PGAP4: variants seen among roughly 807,000 people sequenced by gnomAD.
PGAP4 encodes the protein GPI-N-acetylgalactosamine transferase PGAP4.
A neutral mutation model predicts 28.2 loss-of-function variants in PGAP4; 12 were observed. The ratio of observed to expected loss-of-function variants is 0.42; its 90% CI spans 0.27 to 0.69. PGAP4 has a LOEUF of 0.69. Ranked by LOEUF, PGAP4 falls within the 30% of genes least tolerant of loss-of-function variation. The pLI, the probability that PGAP4 is intolerant of heterozygous loss-of-function variation, is 0.22. For synonymous variants in PGAP4, 205 were observed against 211.8 expected (o/e 0.97, Z 0.28); for missense variants, 425 against 513.5 (o/e 0.83, Z 1.67).
At chr9:101,498,661 T>C (rs370403656) in intron 2 of PGAP4, among the ~76,000 whole-genome samples, 127 of 152,126 alleles carry the variant, frequency 8.3e-4, no homozygotes, top group African/African-American at 2.9e-3. Context: ...TTGCAGGTTT[T>C]TAAAATAATG....
upstream of PGAP4, chr9:101,487,279 C>A (rs747472092): frequency 6.5e-4 from 99 of 152,274 alleles, 1 homozygote; most frequent in Non-Finnish European, 1.9e-4. Context: ...AAACAGGAAG[C>A]CTGTTTCTTT....
intron 2 of PGAP4, among the ~76,000 whole-genome samples, chr9:101,517,729 C>T (rs1278982329): frequency 6.6e-6 from 1 of 152,084 alleles, no homozygotes; most frequent in African/African-American, 2.4e-5. Context: ...GTGTGGTATA[C>T]AGCTCAGTGA....
At chr9:101,492,317 C>G (rs1826698434) in intron 2 of PGAP4, among the ~76,000 whole-genome samples, 1 of 152,086 alleles carries the variant, frequency 6.6e-6, no homozygotes, top group East Asian at 1.9e-4. Context: ...CCTCAGCCTC[C>G]TGAGTAGCTG....
intron 2 of PGAP4, among the ~76,000 whole-genome samples, chr9:101,504,304 C>A (rs1365917868): frequency 7.3e-6 from 1 of 137,838 alleles, no homozygotes; most frequent in Admixed American, 7.8e-5. Context: ...TACAAAAAAA[C>A]CACTGTTCTG....
intron 2 of PGAP4, among the ~76,000 whole-genome samples, chr9:101,528,904 A>AGTTCTC (rs1827059681): frequency 6.6e-6 from 1 of 150,950 alleles, no homozygotes; most frequent in Non-Finnish European, 1.5e-5. Context: ...TATTAAGCCT[A>AGTTCTC]GTTCTCGTTA....
At position 101,476,689 on chromosome 9, in the gene PGAP4, T is replaced by TG; in HGVS notation, c.403dup (p.Gln135ProfsTer15). 6.2e-7 allele frequency: 1 copy of TG among 1,614,088 alleles called. No individual in the cohort carries two copies. Among genetic ancestry groups the TG allele is most frequent in the Non-Finnish European group, 8.5e-7 (1 of 1,180,030 alleles). ...CAGGAAGAGTTGGTGCCCCTCGCAC[T>TG]GGGGGCCACATTGCTGAAGAAGCCG... is the stretch of plus-strand genomic sequence containing the variant. On this transcript the variant is annotated frameshift_variant, in exon 2 of 2. Transcript: ENST00000374848. LOFTEE classifies it high-confidence loss of function. The surrounding 1 kb of genome is among the most constrained non-coding windows in gnomAD (Gnocchi z 7.0).
upstream of PGAP4, chr9:101,489,310 T>A (rs1228557538): frequency 6.6e-6 from 1 of 152,218 alleles, no homozygotes; most frequent in Non-Finnish European, 1.5e-5. Context: ...TTAACCTCTA[T>A]GCAAGTAGGG....
chr9:101,499,293 C>T (rs1411145983), intron 2 of PGAP4, among the ~76,000 whole-genome samples: 1 of 151,928 alleles, frequency 6.6e-6, no homozygotes, highest in Non-Finnish European at 1.5e-5. Flanking sequence ...TCAAAGGGCT[C>T]AAGTGAGTAC....
In PGAP4 at chr9:101,484,913, G is replaced by A. The variant is rs981945698; in HGVS notation, c.-78+2036C>T. Among the ~76,000 whole-genome samples, 3 of 152,118 alleles carry A rather than the reference G, an allele frequency of 2.0e-5. 1 individual carries two copies. The highest frequency in any genetic ancestry group is 4.4e-5 in the Non-Finnish European group (3 of 68,006). On this transcript the variant is annotated intron_variant, in intron 1 of 1. Transcript: ENST00000374848. ...TATAATTTAGTGAAGGAGAAAAGAA[G>A]GGTATGGGGATGGCAATTTCCTGTT...
chr9:101,495,082 A>G (rs966596484), intron 2 of PGAP4, among the ~76,000 whole-genome samples: 3 of 138,510 alleles, frequency 2.2e-5, no homozygotes, highest in Admixed American at 1.7e-4. Context: ...ACCATTTATT[A>G]TTTGACAATG....
chr9:101,493,398 G>C (rs1189736040), intron 2 of PGAP4, among the ~76,000 whole-genome samples: 1 of 152,100 alleles, frequency 6.6e-6, no homozygotes, highest in Non-Finnish European at 1.5e-5. Context: ...TTAGCAGTCA[G>C]CCATGGATTT....
At chr9:101,500,857 T>A (rs1301149278) in intron 2 of PGAP4, among the ~76,000 whole-genome samples, 1 of 152,082 alleles carries the variant, frequency 6.6e-6, no homozygotes, top group Non-Finnish European at 1.5e-5. Context: ...TATGCTCTTT[T>A]CTGGACCTAT....
chr9:101,477,060 G>C lies in PGAP4; in HGVS notation c.33C>G (p.Leu11=). 5.0e-6 allele frequency: 8 copies of C among 1,603,164 alleles called. No homozygotes were observed. Among genetic ancestry groups the C allele is most frequent in the Non-Finnish European group, 6.0e-6 (7 of 1,175,628 alleles). The change falls in exon 2 of 2, where the codon CTC becomes CTG. Residue 11 remains leucine, a synonymous_variant. Coordinates refer to ENST00000374848, the MANE Select transcript of PGAP4 (RefSeq NM_032342.3). ...AGGAGAGTCGCCGCAGCCTCCGGAG[G>C]AGCATGGCAGCTGGAGAGGTTGAAG... The part of the protein sequence containing the change: MSTSTSPAAM[L]LRRLRRLSWG...
intron 2 of PGAP4, among the ~76,000 whole-genome samples, chr9:101,513,683 T>C (rs117565623): frequency 0.016 from 2,334 of 146,788 alleles, 62 homozygotes; most frequent in Admixed American, 0.066. Context: ...GATGGACAGA[T>C]AGGTAGATAG....
intron 1 of PGAP4, among the ~76,000 whole-genome samples, chr9:101,480,127 T>G (rs1026635162): frequency 6.6e-6 from 1 of 151,912 alleles, no homozygotes; most frequent in African/African-American, 2.4e-5. Flanking sequence ...TCACGGAGTA[T>G]GGAAATTTTT....
chr9:101,510,817 C>T (rs1464291212), intron 2 of PGAP4, among the ~76,000 whole-genome samples: 1 of 152,134 alleles, frequency 6.6e-6, no homozygotes, highest in Non-Finnish European at 1.5e-5. Flanking sequence ...TAAAATAAGT[C>T]TCAGATTCTG....
At chr9:101,501,072 A>T (rs544853815) in intron 2 of PGAP4, among the ~76,000 whole-genome samples, 2 of 152,226 alleles carry the variant, frequency 1.3e-5, no homozygotes, top group South Asian at 4.1e-4. Context: ...ATTGTAAAAA[A>T]GTAGTTGATT....
chr9:101,523,635 T>TTTTTTTTTTTTTTTTTTTTTTTTTTC (rs1827008064), intron 2 of PGAP4, among the ~76,000 whole-genome samples: 1 of 101,924 alleles, frequency 9.8e-6, no homozygotes, highest in Non-Finnish European at 1.9e-5. Context: ...TTTTTTTTTT[T>TTTTTTTTTTTTTTTTTTTTTTTTTTC]TTTTTTTTTT....
chr9:101,523,643 T>TTTTTTTTTTTTTTTTTTC (rs1827008252), intron 2 of PGAP4, among the ~76,000 whole-genome samples: 1 of 138,008 alleles, frequency 7.2e-6, no homozygotes, highest in Non-Finnish European at 1.6e-5. Flanking sequence ...TTTTTTTTTT[T>TTTTTTTTTTTTTTTTTTC]TTTTTTTTTG....
Sources: allele counts gnomAD v4.1 joint callset (sites outside exome capture counted in the v4.1 genomes callset), GRCh38; gene constraint gnomAD v4.1.1; non-coding constraint Gnocchi (gnomAD v3.1); transcripts MANE v1.5; gene names NCBI Gene and HGNC (gene_info 2026-07-23, HGNC 2026-07-21).